Variants in BAZ2B observed in about 807,000 individuals in gnomAD.
BAZ2B encodes the protein bromodomain adjacent to zinc finger domain 2B, also known as bromodomain adjacent to zinc finger domain protein 2B.
In BAZ2B, 91 loss-of-function variants were observed where a neutral mutation model predicts 246.0. The observed-to-expected ratio is 0.37, with a 90% CI of 0.31 to 0.44. The LOEUF (loss-of-function observed/expected upper bound fraction) is 0.44. BAZ2B is among the 20% of genes least tolerant of loss of function. The pLI, the probability that BAZ2B is intolerant of heterozygous loss-of-function variation, is 1.00. For synonymous variants in BAZ2B, 855 were observed against 860.0 expected (o/e 0.99, Z 0.10); for missense variants, 2,332 against 2,533.7 (o/e 0.92, Z 1.71).
At chr2:159,587,136 T>C (rs986610789) in intron 1 of BAZ2B, among the ~76,000 whole-genome samples, 1 of 151,760 alleles carries the variant, frequency 6.6e-6, no homozygotes, top group African/African-American at 2.4e-5. Context: ...TGGAGTGCAG[T>C]GGCGCAATCT....
the BAZ2B span, among the ~76,000 whole-genome samples, chr2:159,660,528 C>T: frequency 6.6e-6 from 1 of 152,128 alleles, no homozygotes; most frequent in African/African-American, 2.4e-5. Context: ...TTTTAAGGAA[C>T]TGCCAAACTG....
intron 1 of BAZ2B, among the ~76,000 whole-genome samples, chr2:159,600,963 C>G (rs999742342): frequency 2.0e-5 from 3 of 152,110 alleles, no homozygotes; most frequent in Admixed American, 6.5e-5. Context: ...AACTCATAAT[C>G]CACAGGATTA....
the BAZ2B span, among the ~76,000 whole-genome samples, chr2:159,698,640 GGAC>G: frequency 6.6e-6 from 1 of 151,520 alleles, no homozygotes; most frequent in Non-Finnish European, 1.5e-5. Flanking sequence ...ATTTTAATAT[GGAC>G]TACTGCTACT....
At chr2:159,581,625 A>G (rs1172003536) in intron 1 of BAZ2B, among the ~76,000 whole-genome samples, 1 of 152,206 alleles carries the variant, frequency 6.6e-6, no homozygotes, top group Non-Finnish European at 1.5e-5. Flanking sequence ...ATGCACATGT[A>G]TGTTTATTGC....
intron 7 of BAZ2B, 63 bp downstream of exon 7, chr2:159,438,946 G>T: frequency 6.6e-7 from 1 of 1,514,090 alleles, no homozygotes; most frequent in East Asian, 2.3e-5. Context: ...TGAGAGTCAA[G>T]ATAAACCAGT....
the BAZ2B span, among the ~76,000 whole-genome samples, chr2:159,678,978 A>G: frequency 1.3e-5 from 2 of 152,208 alleles, no homozygotes; most frequent in African/African-American, 4.8e-5. Flanking sequence ...CTCACTACTC[A>G]AGATGTTGAA....
chr2:159,388,276 G>A (rs1393478248), intron 21 of BAZ2B, among the ~76,000 whole-genome samples: 1 of 151,922 alleles, frequency 6.6e-6, no homozygotes, highest in Non-Finnish European at 1.5e-5. Context: ...TATTTTTCTA[G>A]AAGTACCATC....
chr2:159,380,320 A>G (rs2061851624), intron 25 of BAZ2B, among the ~76,000 whole-genome samples: 1 of 152,140 alleles, frequency 6.6e-6, no homozygotes, highest in African/African-American at 2.4e-5. Context: ...TATTGTAATC[A>G]ATCAATTACA....
intron 2 of BAZ2B, among the ~76,000 whole-genome samples, chr2:159,554,202 A>G (rs1001342970): frequency 6.6e-6 from 1 of 152,054 alleles, no homozygotes; most frequent in African/African-American, 2.4e-5. Context: ...GCAATTAATT[A>G]CTCTCTTAAT....
chr2:159,545,707 T>A (rs1213777085), intron 2 of BAZ2B, among the ~76,000 whole-genome samples: 1 of 152,174 alleles, frequency 6.6e-6, no homozygotes, highest in Non-Finnish European at 1.5e-5. Context: ...ATATAATCTA[T>A]GCCTTTACTA....
the BAZ2B span, among the ~76,000 whole-genome samples, chr2:159,634,525 T>C: frequency 6.6e-6 from 1 of 152,236 alleles, no homozygotes; most frequent in African/African-American, 2.4e-5. Context: ...GTTGATATTA[T>C]ACTGTCCAAA....
chr2:159,472,573 G>C (rs751556567), intron 3 of BAZ2B, among the ~76,000 whole-genome samples: 3 of 152,318 alleles, frequency 2.0e-5, no homozygotes, highest in Non-Finnish European at 4.4e-5. Context: ...GGTTTTCAAA[G>C]GGAATGCTTC....
At chr2:159,418,772 C>T (rs1253534198) in intron 13 of BAZ2B, among the ~76,000 whole-genome samples, 1 of 152,128 alleles carries the variant, frequency 6.6e-6, no homozygotes, top group Non-Finnish European at 1.5e-5. Context: ...AGTCCTGTGC[C>T]ACTAGATGCC....
intron 6 of BAZ2B, chr2:159,444,202 C>T (rs191635806): frequency 6.6e-5 from 10 of 152,002 alleles, no homozygotes; most frequent in East Asian, 3.9e-4. Context: ...GGAGAAGAGC[C>T]AAGAGCAGGT....
At position 159,404,832 on chromosome 2, in the gene BAZ2B, C is replaced by T. The variant is rs771491618; in HGVS notation, c.2832+17G>A. The T allele has an allele frequency of 2.8e-5, 45 of 1,605,060 alleles. No individual in the cohort carries two copies. In the South Asian group the frequency reaches 4.9e-4, roughly 17 times the overall value. ...AAGTCCCATATTTTAAAAGTCACTTCCAATGTATACACATACCTGCTGTTT... is the reference window on the plus strand; with the variant it reads ...AAGTCCCATATTTTAAAAGTCACTTTCAATGTATACACATACCTGCTGTTT... On this transcript the variant is annotated intron_variant, in intron 16 of 36. Transcript: ENST00000392783.
chr2:159,363,255 T>C (rs1437362617), intron 27 of BAZ2B, among the ~76,000 whole-genome samples: 1 of 152,120 alleles, frequency 6.6e-6, no homozygotes, highest in Non-Finnish European at 1.5e-5. Context: ...ATTGGGGTGA[T>C]TTTCCTGCCA....
chr2:159,634,629 T>C, the BAZ2B span, among the ~76,000 whole-genome samples: 2 of 152,208 alleles, frequency 1.3e-5, no homozygotes, highest in East Asian at 3.8e-4. Flanking sequence ...ATTTAGCAAC[T>C]GTGTGGTTTT....
At position 159,600,506 on chromosome 2, in the gene BAZ2B, GA is replaced by G. The variant is rs1691883486; in HGVS notation, c.-46+15735del. ...AAATGATACTAATTCTTCTGAGGGG[GA>G]TTTTTGTGGATATGTGAAAAGAGCC... On this transcript the variant is annotated intron_variant, in intron 1 of 36. Coordinates refer to ENST00000392783, the MANE Select transcript of BAZ2B (RefSeq NM_013450.4). Among the ~76,000 whole-genome samples, 9 of 152,204 alleles carry G rather than the reference GA, an allele frequency of 5.9e-5. No individual in the cohort carries two copies. In the South Asian group the frequency reaches 1.7e-3, roughly 28 times the overall value.
intron 27 of BAZ2B, among the ~76,000 whole-genome samples, chr2:159,356,335 T>C (rs1576000028): frequency 6.6e-6 from 1 of 152,106 alleles, no homozygotes. Context: ...GAGGCTTGGG[T>C]AGGCCGTTTT....
Sources: allele counts gnomAD v4.1 joint callset (sites outside exome capture counted in the v4.1 genomes callset), GRCh38; gene constraint gnomAD v4.1.1; transcripts MANE v1.5; gene names NCBI Gene and HGNC (gene_info 2026-07-23, HGNC 2026-07-21).